ADCY1: variants seen among roughly 807,000 people sequenced by gnomAD.
ADCY1 encodes the protein adenylate cyclase 1.
Under a neutral mutation model 105.4 loss-of-function variants are expected in ADCY1, and 28 were observed. The observed-to-expected ratio is 0.27, with a 90% CI of 0.20 to 0.36. The LOEUF (loss-of-function observed/expected upper bound fraction) is 0.36. Among genes scored for constraint, ADCY1 ranks in the 10% least tolerant of loss-of-function variants. ADCY1 has a pLI of 1.00. For synonymous variants in ADCY1, 655 were observed against 623.8 expected (o/e 1.05, Z -0.75); for missense variants, 977 against 1,434.2 (o/e 0.68, Z 5.15).
intron 8 of ADCY1, among the ~76,000 whole-genome samples, chr7:45,671,431 C>T (rs752496314): frequency 5.9e-5 from 9 of 152,206 alleles, no homozygotes; most frequent in Non-Finnish European, 1.0e-4. Context: ...CATGTTAACT[C>T]ATCTAGGATA....
intron 4 of ADCY1, among the ~76,000 whole-genome samples, chr7:45,639,170 C>T (rs1243519568): frequency 4.6e-5 from 7 of 152,146 alleles, no homozygotes; most frequent in Non-Finnish European, 8.8e-5. Context: ...GCCTTAGTCT[C>T]GATAGTAGCT....
In ADCY1 at chr7:45,715,346, T is replaced by C. The variant is rs1320026008; in HGVS notation, c.*1351T>C. On this transcript the variant is annotated 3_prime_UTR_variant, in exon 20 of 20. Coordinates refer to ENST00000297323, the MANE Select transcript of ADCY1 (RefSeq NM_021116.4). ...GGGAATGTCTAAAGACCCACTGCTC[T>C]GAGATGTGGTCAGAGAGGTTTCTGT... 6.6e-6 allele frequency: 1 copy of C among 152,218 alleles called. No individual in the cohort carries two copies. Among genetic ancestry groups the C allele is most frequent in the Non-Finnish European group, 1.5e-5 (1 of 68,058 alleles). 9.4% of individuals were successfully genotyped at this position (152,218 alleles called of 1,614,324 possible).
chr7:45,643,150 G>A (rs1334182374), intron 4 of ADCY1, among the ~76,000 whole-genome samples: 1 of 147,392 alleles, frequency 6.8e-6, no homozygotes, highest in Non-Finnish European at 1.5e-5. Context: ...TCACCTCTGA[G>A]CAGCATCTTC....
intron 4 of ADCY1, among the ~76,000 whole-genome samples, chr7:45,635,601 GTTTTTTTTTTTTTTTT>G (rs71030884): frequency 0.041 from 2,327 of 57,268 alleles, 66 homozygotes; most frequent in Non-Finnish European, 0.06. Flanking sequence ...AATTTCTCTT[GTTTTTTTTTTTTTTTT>G]TTTTTTTTTT....
intron 4 of ADCY1, among the ~76,000 whole-genome samples, chr7:45,632,239 G>A (rs1367829618): frequency 6.6e-6 from 1 of 152,128 alleles, no homozygotes; most frequent in Non-Finnish European, 1.5e-5. Context: ...TGTATAGTCT[G>A]GAATCAGGTC....
chr7:45,686,334 T>C lies in ADCY1; in HGVS notation c.2327+119T>C. The C allele has an allele frequency of 6.8e-7, 1 of 1,463,128 alleles. No homozygotes were observed. Among genetic ancestry groups the C allele is most frequent in the Non-Finnish European group, 9.2e-7 (1 of 1,091,446 alleles). 90.6% of individuals were successfully genotyped at this position (1,463,128 alleles called of 1,614,324 possible). On this transcript the variant is annotated intron_variant, in intron 13 of 19. Transcript: ENST00000297323. This position sits in a 1 kb window ranked among gnomAD's most constrained non-coding sequence, Gnocchi z 4.3. Reference sequence around the variant, plus strand: ...TAGTCAAGTTGAATTGTATACACAATTTTTAGTTTGGTGGCTGCTTCTCTT... The same window carrying C: ...TAGTCAAGTTGAATTGTATACACAACTTTTAGTTTGGTGGCTGCTTCTCTT...
intron 14 of ADCY1, among the ~76,000 whole-genome samples, chr7:45,699,962 G>T (rs1784965909): frequency 6.6e-6 from 1 of 152,150 alleles, no homozygotes; most frequent in Non-Finnish European, 1.5e-5. Context: ...TGAGGGTCCA[G>T]CCAGAAGCCC....
intron 2 of ADCY1, among the ~76,000 whole-genome samples, chr7:45,601,254 T>C (rs1562682204): frequency 6.6e-6 from 1 of 152,116 alleles, no homozygotes; most frequent in Non-Finnish European, 1.5e-5. Context: ...CTTCCCCCCC[T>C]GCTCTTACTT....
intron 2 of ADCY1, among the ~76,000 whole-genome samples, chr7:45,593,819 G>A (rs1439439794): frequency 1.3e-5 from 2 of 152,252 alleles, no homozygotes; most frequent in Admixed American, 6.5e-5. Flanking sequence ...ATCCCTAATA[G>A]TTACAATAAA....
chr7:45,711,535 G>A (rs368313131), intron 19 of ADCY1, among the ~76,000 whole-genome samples: 5 of 149,008 alleles, frequency 3.4e-5, no homozygotes, highest in Admixed American at 6.7e-5. Flanking sequence ...CTAGGTGTAC[G>A]GTTGAGTGGC....
At chr7:45,691,476 C>A (rs1562725961) in intron 14 of ADCY1, among the ~76,000 whole-genome samples, 1 of 152,206 alleles carries the variant, frequency 6.6e-6, no homozygotes, top group South Asian at 2.1e-4. Context: ...AATTGCCAGG[C>A]CAAACACTAG....
intron 2 of ADCY1, 48 bp downstream of exon 2, chr7:45,592,956 G>A (rs1163928654): frequency 6.2e-7 from 1 of 1,604,190 alleles, no homozygotes; most frequent in Admixed American, 1.7e-5. Flanking sequence ...TGTGGGGCTG[G>A]GGAGGTGGAA....
chr7:45,660,534 G>T (rs903460161), intron 7 of ADCY1, among the ~76,000 whole-genome samples: 51 of 152,230 alleles, frequency 3.4e-4, no homozygotes, highest in African/African-American at 1.1e-3. Flanking sequence ...GAACTGAGGG[G>T]TGCTGGGCAC....
chr7:45,653,762 C>T (rs1352440442), intron 5 of ADCY1, among the ~76,000 whole-genome samples: 4 of 152,206 alleles, frequency 2.6e-5, no homozygotes, highest in African/African-American at 7.2e-5. Context: ...TCCTCTGACA[C>T]GCACCACCAG....
At chr7:45,668,429 G>A (rs763794287) in intron 8 of ADCY1, among the ~76,000 whole-genome samples, 4 of 152,144 alleles carry the variant, frequency 2.6e-5, no homozygotes, top group Admixed American at 6.5e-5. Flanking sequence ...GCTGGATTAC[G>A]TTTATTGATT....
At chr7:45,674,499 G>A (rs936754282) in intron 8 of ADCY1, among the ~76,000 whole-genome samples, 1 of 151,882 alleles carries the variant, frequency 6.6e-6, no homozygotes, top group African/African-American at 2.4e-5. Flanking sequence ...TCACCCTCTC[G>A]AGTAGCTGGG....
At chr7:45,684,804 C>T in intron 11 of ADCY1, 175 bp from the exon 12 acceptor site, 1 of 527,952 alleles carries the variant, frequency 1.9e-6, no homozygotes, top group Non-Finnish European at 3.4e-6. Context: ...AAGCTTTTCA[C>T]CTGGGAGAAT....
intron 4 of ADCY1, among the ~76,000 whole-genome samples, chr7:45,631,030 G>A (rs1794233893): frequency 6.6e-6 from 1 of 152,066 alleles, no homozygotes; most frequent in African/African-American, 2.4e-5. Context: ...GTAAAATAAT[G>A]GAAAGTAAAA....
chr7:45,655,135 G>A (rs1794904002), intron 5 of ADCY1, among the ~76,000 whole-genome samples: 1 of 152,232 alleles, frequency 6.6e-6, no homozygotes, highest in Admixed American at 6.5e-5. Flanking sequence ...GTAGATGTTT[G>A]TTGAACAAGT....
Sources: gnomAD v4.1 joint callset for allele counts (sites outside exome capture counted in the v4.1 genomes callset) on GRCh38, gnomAD v4.1.1 for gene constraint, Gnocchi (gnomAD v3.1) non-coding constraint, MANE v1.5 for transcripts, NCBI Gene and HGNC (gene_info 2026-07-23, HGNC 2026-07-21) for gene names.